COL14A1: variants seen among roughly 807,000 people sequenced by gnomAD.
The protein encoded by COL14A1 is collagen type XIV alpha 1 chain, also known as collagen alpha-1(XIV) chain.
A neutral mutation model predicts 230.3 loss-of-function variants in COL14A1; 136 were observed. The ratio of observed to expected loss-of-function variants is 0.59; its 90% CI spans 0.51 to 0.68. The LOEUF (loss-of-function observed/expected upper bound fraction) is 0.68. Among genes scored for constraint, COL14A1 ranks in the 30% least tolerant of loss-of-function variants. The probability of loss-of-function intolerance (pLI) is 0.00; values close to 1 mark genes in which losing one functional copy is unlikely to be tolerated. For synonymous variants in COL14A1, 792 were observed against 784.1 expected (o/e 1.01, Z -0.17); for missense variants, 1,976 against 2,215.8 (o/e 0.89, Z 2.17).
At chr8:120,233,205 C>T (rs1205821867) in intron 19 of COL14A1, among the ~76,000 whole-genome samples, 3 of 152,066 alleles carry the variant, frequency 2.0e-5, no homozygotes, top group African/African-American at 4.8e-5. Flanking sequence ...AATTTTCTCC[C>T]ATTCTGTAGG....
At chr8:120,194,655 A>G (rs1259358789) in intron 5 of COL14A1, among the ~76,000 whole-genome samples, 1 of 152,154 alleles carries the variant, frequency 6.6e-6, no homozygotes, top group Admixed American at 6.6e-5. Context: ...AGAAAATACC[A>G]ATTTCATTAC....
chr8:120,331,875 G>T (rs780045342), intron 40 of COL14A1, among the ~76,000 whole-genome samples: 1 of 152,208 alleles, frequency 6.6e-6, no homozygotes, highest in Non-Finnish European at 1.5e-5. Flanking sequence ...TTTAGTAAAA[G>T]CACTTTTTGG....
chr8:120,283,204 T>C (rs1820092377), intron 31 of COL14A1, among the ~76,000 whole-genome samples: 1 of 152,154 alleles, frequency 6.6e-6, no homozygotes, highest in Non-Finnish European at 1.5e-5. Context: ...GGAATGCAAT[T>C]GACTACAATA....
chr8:120,247,942 C>T (rs1288286988), intron 21 of COL14A1, among the ~76,000 whole-genome samples: 5 of 151,994 alleles, frequency 3.3e-5, no homozygotes, highest in African/African-American at 9.7e-5. Context: ...GCTATGACAT[C>T]ACATAAAAAA....
chr8:120,203,176 A>G (rs1817312171), intron 8 of COL14A1, among the ~76,000 whole-genome samples: 1 of 151,750 alleles, frequency 6.6e-6, no homozygotes, highest in Non-Finnish European at 1.5e-5. Context: ...TCCTGTTATG[A>G]TGTATTGAGT....
intron 34 of COL14A1, among the ~76,000 whole-genome samples, chr8:120,293,143 T>C (rs747845126): frequency 1.1e-4 from 17 of 152,142 alleles, no homozygotes; most frequent in Middle Eastern, 6.8e-3. Flanking sequence ...CAATCATATT[T>C]CTTAGTGCCT....
intron 44 of COL14A1, among the ~76,000 whole-genome samples, chr8:120,343,309 G>C (rs1326934694): frequency 6.6e-6 from 1 of 152,140 alleles, no homozygotes; most frequent in African/African-American, 2.4e-5. Context: ...TAGCTCTGCT[G>C]TCCAGCCCTC....
At chr8:120,173,933 A>G (rs1163591328) in intron 5 of COL14A1, among the ~76,000 whole-genome samples, 2 of 152,202 alleles carry the variant, frequency 1.3e-5, no homozygotes, top group Non-Finnish European at 2.9e-5. Context: ...AGTCTAAGGT[A>G]TATCATATCT....
At position 120,289,758 on chromosome 8, in the gene COL14A1, T is replaced by C; in HGVS notation, c.4228T>C (p.Ser1410Pro). The C allele has an allele frequency of 1.2e-6, 2 of 1,612,860 alleles. 1 individual carries two copies. Among genetic ancestry groups the C allele is most frequent in the South Asian group, 2.2e-5 (2 of 90,836 alleles). ...TCGATCAAGAGGACCAGGTGGAAACTCTGCACCGGTAAGTGAATAAACCCG... is the reference window on the plus strand; with the variant it reads ...TCGATCAAGAGGACCAGGTGGAAACCCTGCACCGGTAAGTGAATAAACCCG... ...MVRSRGPGGN[S>P]APFQLQMFDI... is the part of the protein sequence containing the mutation. Residue 1410 changes from serine (S) to proline (P), a missense_variant, in exon 34 of 48, where the codon TCT becomes CCT. Transcript: ENST00000297848.
intron 45 of COL14A1, among the ~76,000 whole-genome samples, chr8:120,348,351 T>C (rs1260641993): frequency 6.7e-6 from 1 of 149,422 alleles, no homozygotes; most frequent in Non-Finnish European, 1.5e-5. Context: ...TACTCAGCCA[T>C]AAAAAGGAAT....
At chr8:120,285,397 G>A (rs1003613911) in intron 32 of COL14A1, among the ~76,000 whole-genome samples, 6 of 149,200 alleles carry the variant, frequency 4.0e-5, no homozygotes, top group African/African-American at 1.5e-4. Flanking sequence ...CCAGGAGGTG[G>A]AGCTTGCAGT....
intron 19 of COL14A1, among the ~76,000 whole-genome samples, chr8:120,236,654 G>A (rs1449702643): frequency 3.3e-5 from 5 of 152,086 alleles, no homozygotes; most frequent in South Asian, 4.1e-4. Flanking sequence ...ATTCGATCCC[G>A]TCATTATGAT....
intron 32 of COL14A1, among the ~76,000 whole-genome samples, chr8:120,285,463 CAAAAAAAAAAAA>C (rs1218052645): frequency 3.1e-5 from 2 of 64,998 alleles, no homozygotes; most frequent in African/African-American, 6.2e-5. Context: ...GACTCCATCT[CAAAAAAAAAAAA>C]AAAAAAAAAA....
At chr8:120,286,693 T>C (rs76884647) in intron 33 of COL14A1, among the ~76,000 whole-genome samples, 5 of 152,026 alleles carry the variant, frequency 3.3e-5, no homozygotes, top group Admixed American at 6.6e-5. Flanking sequence ...GTATTTTTAG[T>C]GGAGCCAGGA....
intron 4 of COL14A1, 21 bp from the exon 5 acceptor site, chr8:120,168,140 G>A: frequency 1.3e-6 from 2 of 1,521,386 alleles, no homozygotes; most frequent in Non-Finnish European, 1.8e-6. Context: ...ACATGGTGCT[G>A]TATCTCTACT....
chr8:120,367,736 G>A (rs1306297741), intron 46 of COL14A1, among the ~76,000 whole-genome samples: 1 of 150,452 alleles, frequency 6.6e-6, no homozygotes, highest in African/African-American at 2.5e-5. Context: ...AAGAGTTTGA[G>A]ACCAGCCTGG....
chr8:120,360,018 G>T (rs554363166), intron 45 of COL14A1, among the ~76,000 whole-genome samples: 98 of 152,152 alleles, frequency 6.4e-4, no homozygotes, highest in Non-Finnish European at 9.7e-4. Flanking sequence ...ATACTGTCTT[G>T]ACTGATAGAG....
chr8:120,278,550 C>A lies in COL14A1; in HGVS notation c.3453C>A (p.Asn1151Lys), dbSNP rs1420698294. ...ITDGRSQDDVNKISREMQLDG... is the reference protein window; with the variant it reads ...ITDGRSQDDVKKISREMQLDG... ...ATGGAAGATCACAAGATGATGTGAACAAAATCTCCAGGGAGATGCAATTAG... is the reference window on the plus strand; with the variant it reads ...ATGGAAGATCACAAGATGATGTGAAAAAAATCTCCAGGGAGATGCAATTAG... Residue 1151 changes from asparagine (N) to lysine (K), a missense_variant, in exon 28 of 48, where the codon AAC (asparagine) becomes AAA (lysine). Asn to Lys is a moderately conservative substitution (Grantham distance 94). Coordinates refer to ENST00000297848, the MANE Select transcript of COL14A1 (RefSeq NM_021110.4). 1 of 1,612,648 alleles carries A rather than the reference C, an allele frequency of 6.2e-7. No individual in the cohort carries two copies. The highest frequency in any genetic ancestry group is 8.5e-7 in the Non-Finnish European group (1 of 1,179,278).
At chr8:120,126,764 A>C (rs1175805880) in intron 1 of COL14A1, among the ~76,000 whole-genome samples, 1 of 152,238 alleles carries the variant, frequency 6.6e-6, no homozygotes, top group Non-Finnish European at 1.5e-5. Context: ...CAGTCTGCAC[A>C]TAGAGAACTC....
Sources: allele counts gnomAD v4.1 joint callset (sites outside exome capture counted in the v4.1 genomes callset), GRCh38; gene constraint gnomAD v4.1.1; transcripts MANE v1.5; gene names NCBI Gene and HGNC (gene_info 2026-07-23, HGNC 2026-07-21).